Variants in PLCB1 observed in about 807,000 individuals in gnomAD.
PLCB1 encodes 1-phosphatidylinositol 4,5-bisphosphate phosphodiesterase beta-1.
In PLCB1, 46 loss-of-function variants were observed where a neutral mutation model predicts 161.8. The observed-to-expected ratio is 0.28, with a 90% CI of 0.22 to 0.36. The LOEUF (loss-of-function observed/expected upper bound fraction) is 0.36. Ranked by LOEUF, PLCB1 falls within the 10% of genes least tolerant of loss-of-function variation. The pLI is 1.00. For synonymous variants in PLCB1, 517 were observed against 503.7 expected, an observed-to-expected ratio of 1.03 and a Z score of -0.35; for missense variants, 1,016 against 1,472.5, an observed-to-expected ratio of 0.69 and a Z score of 5.07.
intron 30 of PLCB1, 111 bp downstream of exon 30, chr20:8,789,686 T>A: frequency 1.2e-6 from 1 of 800,900 alleles, no homozygotes; most frequent in Non-Finnish European, 2.2e-6. Flanking sequence ...TTTTTATCAC[T>A]AGCACCTAGC....
In PLCB1 at chr20:8,621,150, G is replaced by A. The variant is rs547110722; in HGVS notation, c.247-7144G>A. 3.5e-4 allele frequency among the ~76,000 whole-genome samples: 54 copies of A among 152,196 alleles called. 1 individual carries two copies. The South Asian group carries it at 5.4e-3, about 15-fold the overall frequency. On this transcript the variant is annotated intron_variant, in intron 3 of 31. Coordinates refer to ENST00000338037, the MANE Select transcript of PLCB1 (RefSeq NM_015192.4). ...CATTGACCTTGGATGAAAGTTGAGG[G>A]GAATATAATGCTTTTCATGCTTTGT...
At chr20:8,472,664 C>A (rs2294555) in intron 3 of PLCB1, among the ~76,000 whole-genome samples, 38,616 of 150,090 alleles carry the variant, frequency 0.26, 5,290 homozygotes, top group Non-Finnish European at 0.31. Context: ...GGCAACACTG[C>A]AAAACTTTGT....
At chr20:8,220,732 G>C (rs1259171031) in intron 2 of PLCB1, among the ~76,000 whole-genome samples, 1 of 152,180 alleles carries the variant, frequency 6.6e-6, no homozygotes, top group East Asian at 1.9e-4. Flanking sequence ...AGAACTGTGA[G>C]AGAATAAATG....
chr20:8,646,336 T>C (rs566370248), intron 5 of PLCB1, among the ~76,000 whole-genome samples, 155 bp downstream of exon 5: 10 of 152,316 alleles, frequency 6.6e-5, no homozygotes, highest in Admixed American at 5.9e-4. Flanking sequence ...ACCTCCCCTG[T>C]TCAGAATTGG....
chr20:8,881,501 T>A, intron 31 of PLCB1, 121 bp from the exon 32 acceptor site: 1 of 742,796 alleles, frequency 1.3e-6, no homozygotes, highest in Non-Finnish European at 2.3e-6. Flanking sequence ...GACCAGTGAA[T>A]GATATTTTAA....
chr20:8,598,293 TGTTGTGTCTTTGTTCTC>T (rs1987407186), intron 3 of PLCB1, among the ~76,000 whole-genome samples: 1 of 94,872 alleles, frequency 1.1e-5, no homozygotes, highest in Non-Finnish European at 2.1e-5. Context: ...GATTCTGGTA[TGTTGTGTCTTTGTTCTC>T]GTTGGTTTCA....
At chr20:8,149,728 A>G (rs531552730) in intron 1 of PLCB1, among the ~76,000 whole-genome samples, 1 of 152,276 alleles carries the variant, frequency 6.6e-6, no homozygotes, top group African/African-American at 2.4e-5. Context: ...TATACTATGC[A>G]TGCTTTAAAC....
chr20:8,701,099 C>T (rs1464383094), intron 11 of PLCB1, among the ~76,000 whole-genome samples: 4 of 152,212 alleles, frequency 2.6e-5, no homozygotes, highest in Non-Finnish European at 2.9e-5. Flanking sequence ...CCTCTCTTGC[C>T]TCATCCTAGT....
chr20:8,350,357 C>G (rs1037343721), intron 2 of PLCB1, among the ~76,000 whole-genome samples: 2 of 152,134 alleles, frequency 1.3e-5, no homozygotes, highest in African/African-American at 2.4e-5. Context: ...GTTTTCTGTT[C>G]CTGGGTTAGT....
chr20:8,841,476 T>C (rs990928684), intron 31 of PLCB1, among the ~76,000 whole-genome samples: 4 of 152,222 alleles, frequency 2.6e-5, no homozygotes, highest in African/African-American at 9.6e-5. Context: ...CTAAAACAGA[T>C]CATTATTAAA....
At position 8,745,285 on chromosome 20, in the gene PLCB1, G is replaced by A. The variant is rs151235133; in HGVS notation, c.2523+3712G>A. Among the ~76,000 whole-genome samples the A allele has an allele frequency of 1.7e-4, 26 of 152,206 alleles. No homozygotes were observed. In the East Asian group the frequency reaches 3.1e-3, roughly 18 times the overall value. On this transcript the variant is annotated intron_variant, in intron 23 of 31. Transcript: ENST00000338037. ...AATAATGTAAGTTTGTTTGAATGAT[G>A]CCACTGAAAATAAGTAACTGTGGTT... is the stretch of plus-strand genomic sequence containing the variant.
At position 8,881,227 on chromosome 20, in the gene PLCB1, A is replaced by G. The variant is rs116936337; in HGVS notation, c.3424-395A>G. Among the ~76,000 whole-genome samples, 202 of 152,090 alleles carry G rather than the reference A, an allele frequency of 1.3e-3. 3 individuals are homozygous for G. The East Asian group carries it at 0.038, about 29-fold the overall frequency. ...ATGCTGGTCTTAAACTCCTGACCTC[A>G]AGCAATCGCAATCAACCTGCCTCAA... On this transcript the variant is annotated intron_variant, in intron 31 of 31. Coordinates refer to ENST00000338037, the MANE Select transcript of PLCB1 (RefSeq NM_015192.4).
chr20:8,372,442 C>T (rs919348303), intron 3 of PLCB1, among the ~76,000 whole-genome samples: 1 of 152,084 alleles, frequency 6.6e-6, no homozygotes, highest in African/African-American at 2.4e-5. Context: ...CACACGGCTG[C>T]TGGGTTTTTT....
At chr20:8,399,364 A>G (rs1050376515) in intron 3 of PLCB1, among the ~76,000 whole-genome samples, 4 of 152,142 alleles carry the variant, frequency 2.6e-5, no homozygotes, top group Non-Finnish European at 4.4e-5. Flanking sequence ...TGTACTACTT[A>G]TCAAAAAGTC....
At chr20:8,535,105 TAAAAAAA>T (rs10560220) in intron 3 of PLCB1, among the ~76,000 whole-genome samples, 6 of 108,316 alleles carry the variant, frequency 5.5e-5, no homozygotes, top group African/African-American at 1.7e-4. Flanking sequence ...AGTTTTAAAG[TAAAAAAA>T]AAAAAAAAAA....
At chr20:8,445,287 C>T (rs1222811155) in intron 3 of PLCB1, among the ~76,000 whole-genome samples, 1 of 152,094 alleles carries the variant, frequency 6.6e-6, no homozygotes, top group East Asian at 1.9e-4. Flanking sequence ...TTCCCAGCAC[C>T]GTTTATTAAA....
At chr20:8,380,620 CCTTGAGCAGTGGTTTGTAGTT>C (rs1297603696) in intron 3 of PLCB1, among the ~76,000 whole-genome samples, 2 of 152,066 alleles carry the variant, frequency 1.3e-5, no homozygotes, top group Non-Finnish European at 2.9e-5. Flanking sequence ...TCTCTTATTT[CCTTGAGCAGTGGTTTGTAGTT>C]CTTGACAAGA....
At position 8,697,610 on chromosome 20, in the gene PLCB1, TG is replaced by T; in HGVS notation, c.1010-15del. ...CTTCATGGGAATCTGGGGTTTGTTT[TG>T]TTGGTGTTTTATAGCTGGCCAACTG... On this transcript the variant is annotated splice_polypyrimidine_tract_variant and intron_variant, in intron 10 of 31. Transcript: ENST00000338037. 6.2e-7 allele frequency: 1 copy of T among 1,613,834 alleles called. No homozygotes were observed. The highest frequency in any genetic ancestry group is 8.5e-7 in the Non-Finnish European group (1 of 1,179,810).
At chr20:8,314,802 G>A (rs1370625239) in intron 2 of PLCB1, among the ~76,000 whole-genome samples, 1 of 152,142 alleles carries the variant, frequency 6.6e-6, no homozygotes, top group African/African-American at 2.4e-5. Context: ...GAGAGGAAGG[G>A]GAGGTGAGTG....
Sources: allele counts gnomAD v4.1 joint callset (sites outside exome capture counted in the v4.1 genomes callset), GRCh38; gene constraint gnomAD v4.1.1; transcripts MANE v1.5; gene names NCBI Gene and HGNC (gene_info 2026-07-23, HGNC 2026-07-21).